The following HIKESHI variants were observed in gnomAD, a reference collection of about 807,000 sequenced individuals.
HIKESHI encodes heat shock protein nuclear import factor hikeshi.
HIKESHI carries 13 observed loss-of-function variants against 25.7 expected under a neutral mutation model. The observed-to-expected ratio is 0.51, with a 90% CI of 0.33 to 0.80. The LOEUF is 0.80. HIKESHI is among the 30% of genes least tolerant of loss of function. HIKESHI has a pLI of 0.02. For missense variants in HIKESHI, 174 were observed against 229.5 expected (o/e 0.76, Z 1.56); for synonymous variants, 76 against 78.7 (o/e 0.97, Z 0.18).
intron 2 of HIKESHI, among the ~76,000 whole-genome samples, chr11:86,323,762 A>G (rs1217004198): frequency 6.6e-6 from 1 of 152,168 alleles, no homozygotes; most frequent in Non-Finnish European, 1.5e-5. Flanking sequence ...ACATTTCCTT[A>G]TTGTATTATT....
rs1378764083 is a variant in HIKESHI, at chr11:86,307,849, T to C, written c.268+1367T>C. ...ATATACATTATATAAATATATATTATGTGTAATATACATTATATAAAATAT... is the reference window on the plus strand; with the variant it reads ...ATATACATTATATAAATATATATTACGTGTAATATACATTATATAAAATAT... On this transcript the variant is annotated intron_variant, in intron 2 of 4. Transcript: ENST00000278483. 2.8e-5 allele frequency among the ~76,000 whole-genome samples: 3 copies of C among 106,176 alleles called. No individual in the cohort carries two copies. The East Asian group carries it at 7.2e-4, about 25-fold the overall frequency. 69.7% of individuals were successfully genotyped at this position (106,176 alleles called of 152,430 possible). A position where few individuals can be genotyped will look rare whatever the true frequency, so the allele number is the denominator to read the frequency against.
In HIKESHI at chr11:86,302,385, G is replaced by A; in HGVS notation, c.-64G>A. On this transcript the variant is annotated 5_prime_UTR_variant, in exon 1 of 5. Coordinates refer to ENST00000278483, the MANE Select transcript of HIKESHI (RefSeq NM_016401.4). Reference sequence around the variant, plus strand: ...AAGGTTCTTAGTCTCGACTAGGGCAGTAGCCCCAGGACTCCTAGTCGCCGG... The same window carrying A: ...AAGGTTCTTAGTCTCGACTAGGGCAATAGCCCCAGGACTCCTAGTCGCCGG... 1.3e-6 allele frequency: 2 copies of A among 1,547,096 alleles called. No individual in the cohort carries two copies. Among genetic ancestry groups the A allele is most frequent in the Non-Finnish European group, 1.7e-6 (2 of 1,143,970 alleles).
chr11:86,334,394 G>C (rs560256809), intron 2 of HIKESHI, among the ~76,000 whole-genome samples: 3 of 151,980 alleles, frequency 2.0e-5, no homozygotes, highest in South Asian at 4.2e-4. Flanking sequence ...TTAGGCTCTT[G>C]ATTTACATGG....
At chr11:86,309,790 G>A (rs939368082) in intron 2 of HIKESHI, among the ~76,000 whole-genome samples, 11 of 152,138 alleles carry the variant, frequency 7.2e-5, no homozygotes, top group Non-Finnish European at 1.3e-4. Context: ...TCTACATATG[G>A]CTAGCCAGTT....
At chr11:86,337,059 A>G (rs1947583570) in intron 2 of HIKESHI, among the ~76,000 whole-genome samples, 1 of 152,184 alleles carries the variant, frequency 6.6e-6, no homozygotes, top group Admixed American at 6.5e-5. Flanking sequence ...GACCTGCTCC[A>G]TAAGGAATGC....
intron 3 of HIKESHI, among the ~76,000 whole-genome samples, chr11:86,342,027 C>T (rs1468745034): frequency 6.6e-6 from 1 of 151,412 alleles, no homozygotes; most frequent in African/African-American, 2.4e-5. Context: ...TATGTTCTCA[C>T]TAACATTTAT....
intron 2 of HIKESHI, among the ~76,000 whole-genome samples, chr11:86,311,383 A>G (rs1405618373): frequency 6.6e-6 from 1 of 152,006 alleles, no homozygotes; most frequent in African/African-American, 2.4e-5. Flanking sequence ...GGTAGTTTGT[A>G]TTTCTGTGGG....
chr11:86,315,892 G>T (rs779907359), intron 2 of HIKESHI, among the ~76,000 whole-genome samples: 3 of 152,064 alleles, frequency 2.0e-5, no homozygotes, highest in Non-Finnish European at 4.4e-5. Flanking sequence ...TAAGACAGGA[G>T]GGGTGGTATC....
At chr11:86,318,315 A>G (rs1257588532) in intron 2 of HIKESHI, among the ~76,000 whole-genome samples, 1 of 148,168 alleles carries the variant, frequency 6.7e-6, no homozygotes, top group East Asian at 1.9e-4. Context: ...AAAAAAAAAA[A>G]AAAAAAAATC....
intron 3 of HIKESHI, among the ~76,000 whole-genome samples, chr11:86,340,676 C>T (rs1179722386): frequency 6.6e-6 from 1 of 152,104 alleles, no homozygotes; most frequent in Non-Finnish European, 1.5e-5. Context: ...GATGGAGTCT[C>T]ACTCTGTTGC....
chr11:86,337,400 T>C lies in HIKESHI; in HGVS notation c.290T>C (p.Phe97Ser). 4.3e-6 allele frequency: 7 copies of C among 1,613,372 alleles called. No homozygotes were observed. Among genetic ancestry groups the C allele is most frequent in the Non-Finnish European group, 5.9e-6 (7 of 1,179,806 alleles). Residue 97 changes from phenylalanine to serine, a missense_variant, in exon 3 of 5, where the codon TTT becomes TCT. By Grantham distance (155) the Phe-to-Ser change is radical (BLOSUM62 -2). Transcript: ENST00000278483. The stretch of plus-strand genomic sequence containing the variant: ...GCAGGAGAAGGAAGCCAACATCCTT[T>C]TGGAGCCATGAATATTGTCCGAACT... ...LKSGEGSQHP[F>S]GAMNIVRTPS...
chr11:86,334,402 T>A (rs908633785), intron 2 of HIKESHI, among the ~76,000 whole-genome samples: 2 of 152,080 alleles, frequency 1.3e-5, no homozygotes. Context: ...TTGATTTACA[T>A]GGAGGAGGGA....
chr11:86,319,242 A>ATTTT (rs1218981419), intron 2 of HIKESHI, among the ~76,000 whole-genome samples: 1,187 of 94,896 alleles, frequency 0.013, 17 homozygotes, highest in Non-Finnish European at 0.017. Context: ...ATATATATAT[A>ATTTT]TTTTTTTTTT....
At chr11:86,334,535 T>C (rs1947499666) in intron 2 of HIKESHI, among the ~76,000 whole-genome samples, 1 of 152,208 alleles carries the variant, frequency 6.6e-6, no homozygotes, top group Admixed American at 6.5e-5. Flanking sequence ...TTTTGCTTGC[T>C]CTTCTTTGTA....
intron 2 of HIKESHI, among the ~76,000 whole-genome samples, chr11:86,323,739 C>T (rs1947205754): frequency 6.6e-6 from 1 of 152,154 alleles, no homozygotes; most frequent in Non-Finnish European, 1.5e-5. Context: ...ACTTTAGGAT[C>T]ATAAGAACAC....
intron 2 of HIKESHI, among the ~76,000 whole-genome samples, chr11:86,319,927 A>T (rs1947106972): frequency 6.6e-6 from 1 of 152,158 alleles, no homozygotes; most frequent in Non-Finnish European, 1.5e-5. Flanking sequence ...TCAAAGTGAT[A>T]ATATTCTAAT....
At chr11:86,336,341 T>A (rs1947560230) in intron 2 of HIKESHI, among the ~76,000 whole-genome samples, 1 of 152,174 alleles carries the variant, frequency 6.6e-6, no homozygotes, top group South Asian at 2.1e-4. Context: ...TTTTATATGA[T>A]GAGGTCTTTT....
intron 2 of HIKESHI, chr11:86,326,601 G>A: frequency 2.2e-6 from 1 of 455,320 alleles, no homozygotes; most frequent in African/African-American, 2.0e-5. Flanking sequence ...TTGTTCAGAG[G>A]AGACAGAATA....
At chr11:86,323,533 C>G (rs189026245) in intron 2 of HIKESHI, among the ~76,000 whole-genome samples, 1 of 152,320 alleles carries the variant, frequency 6.6e-6, no homozygotes, top group East Asian at 1.9e-4. Context: ...ACATACCAAT[C>G]AAATTGTCAA....
Sources: allele counts gnomAD v4.1 joint callset (sites outside exome capture counted in the v4.1 genomes callset), GRCh38; gene constraint gnomAD v4.1.1; transcripts MANE v1.5; gene names NCBI Gene and HGNC (gene_info 2026-07-23, HGNC 2026-07-21).